Variants in CHFR observed in about 807,000 individuals in gnomAD.
CHFR encodes checkpoint with forkhead and ring finger domains.
CHFR carries 57 observed loss-of-function variants against 87.6 expected under a neutral mutation model. That is an observed-to-expected ratio of 0.65 (90% confidence interval 0.53 to 0.81). The LOEUF (loss-of-function observed/expected upper bound fraction) is 0.81, where lower values mean the gene tolerates loss of function less well. Among genes scored for constraint, CHFR ranks in the 30% least tolerant of loss-of-function variants. The pLI, the probability that CHFR is intolerant of heterozygous loss-of-function variation, is 0.00. For synonymous variants in CHFR, 381 were observed against 359.2 expected (o/e 1.06, Z -0.69); for missense variants, 797 against 865.8 (o/e 0.92, Z 1.00).
Position 132,837,550 on chromosome 12 carries a change from T to C in CHFR, c.*4004A>G, listed in dbSNP as rs747258534. 6.5e-6 allele frequency: 1 copy of C among 152,828 alleles called. No individual in the cohort carries two copies. The highest frequency in any genetic ancestry group is 2.4e-5 in the African/African-American group (1 of 41,466). 9.5% of individuals were successfully genotyped at this position (152,828 alleles called of 1,614,324 possible). On this transcript the variant is annotated 3_prime_UTR_variant, in exon 18 of 18. Coordinates refer to ENST00000450056, the MANE Select transcript of CHFR (RefSeq NM_001161346.2). ...GTGCGGTAAACTAACTAGAAAGTAGTGCGTCCTGAGCACTCATCACCTTTG... is the reference window on the plus strand; with the variant it reads ...GTGCGGTAAACTAACTAGAAAGTAGCGCGTCCTGAGCACTCATCACCTTTG...
intron 2 of CHFR, among the ~76,000 whole-genome samples, chr12:132,885,419 T>TATAAATAA (rs141735852): frequency 0.018 from 2,580 of 146,600 alleles, 60 homozygotes; most frequent in Middle Eastern, 0.018. Context: ...TCAAAAAATA[T>TATAAATAA]ATAAATAAAT....
intron 5 of CHFR, 93 bp from the exon 6 acceptor site, chr12:132,869,891 G>C: frequency 1.4e-6 from 2 of 1,415,622 alleles, no homozygotes; most frequent in Non-Finnish European, 1.9e-6. Context: ...AGACACTCTA[G>C]GGATTGAAAT....
rs940364683 is a variant in CHFR at position 132,887,171 on chromosome 12, C to T, written c.133+25G>A. The T allele has an allele frequency of 1.2e-5, 18 of 1,462,870 alleles. No homozygotes were observed. In the African/African-American group the frequency reaches 1.8e-4, roughly 14 times the overall value. 90.6% of individuals were successfully genotyped at this position (1,462,870 alleles called of 1,614,324 possible). On this transcript the variant is annotated intron_variant, in intron 2 of 17. Coordinates refer to ENST00000450056, the MANE Select transcript of CHFR (RefSeq NM_001161346.2). ...CCGGTGGCTCTGCCCGGCCCCGGCC[C>T]CCGGCCCCGGCCTCAGCCCCGCACC... is the stretch of plus-strand genomic sequence containing the variant.
At position 132,856,562 on chromosome 12, in the gene CHFR, G is replaced by A; in HGVS notation, c.1135C>T (p.Gln379Ter). The A allele has an allele frequency of 6.2e-7, 1 of 1,614,158 alleles. No homozygotes were observed. Among genetic ancestry groups the A allele is most frequent in the Non-Finnish European group, 8.5e-7 (1 of 1,179,964 alleles). ...ARNKITQDMLQPKVRRSFSDE... is the reference protein window; with the variant it reads ...ARNKITQDML ...GAAAAAGACCGCCTGACTTTGGGCT[G>A]CAGCATGTCTTGAGTGATTTTATTT... The change falls in exon 10 of 18, where the codon CAG becomes TAG. Residue 379 changes from glutamine (Q) to a stop codon, truncating the protein, a stop_gained. Transcript: ENST00000450056. LOFTEE classifies it high-confidence loss of function.
chr12:132,838,629 A>C lies in CHFR; in HGVS notation c.*2925T>G, dbSNP rs533407229. The C allele has an allele frequency of 2.6e-5, 4 of 152,532 alleles. No individual in the cohort carries two copies. The highest frequency in any genetic ancestry group is 3.9e-4 in the East Asian group (2 of 5,180). 9.4% of individuals were successfully genotyped at this position (152,532 alleles called of 1,614,324 possible). On this transcript the variant is annotated 3_prime_UTR_variant, in exon 18 of 18. Coordinates refer to ENST00000450056, the MANE Select transcript of CHFR (RefSeq NM_001161346.2). ...AAGGCTGGGCCAAGGAGCCAGGAAGAAGCAGTGGGATCTGCAGCAGCACCA... is the reference window on the plus strand; with the variant it reads ...AAGGCTGGGCCAAGGAGCCAGGAAGCAGCAGTGGGATCTGCAGCAGCACCA...
At chr12:132,848,980 T>A in intron 12 of CHFR, 1 of 462,624 alleles carries the variant, frequency 2.2e-6, no homozygotes. Flanking sequence ...GGAGTCTCGC[T>A]CTGTGGCCCA....
chr12:132,848,896 A>G (rs1343477562), intron 12 of CHFR, 172 bp from the exon 13 acceptor site: 1 of 571,000 alleles, frequency 1.8e-6, no homozygotes, highest in Non-Finnish European at 3.1e-6. Flanking sequence ...GTTGTGATGG[A>G]CTGTGATGGC....
chr12:132,833,394 G>C lies in CHFR; in HGVS notation c.*8160C>G, dbSNP rs1950628279. On this transcript the variant is annotated 3_prime_UTR_variant, in exon 18 of 18. Transcript: ENST00000450056. ...CTCTTACAGAAGGTATATTCTAGTGGGGACCAGACAACAAGCATAGAAGGT... is the reference window on the plus strand; with the variant it reads ...CTCTTACAGAAGGTATATTCTAGTGCGGACCAGACAACAAGCATAGAAGGT... 1 of 152,208 alleles carries C rather than the reference G, an allele frequency of 6.6e-6. No individual in the cohort carries two copies. Among genetic ancestry groups the C allele is most frequent in the Non-Finnish European group, 1.5e-5 (1 of 68,052 alleles). The allele number at this position is 152,208 out of a possible 1,614,324, so 9.4% of individuals were successfully genotyped here.
chr12:132,859,436 C>G (rs1352941305), intron 7 of CHFR, among the ~76,000 whole-genome samples: 1 of 152,034 alleles, frequency 6.6e-6, no homozygotes, highest in African/African-American at 2.4e-5. Context: ...CTGCAAGCTC[C>G]GCCTCCCGGG....
intron 11 of CHFR, among the ~76,000 whole-genome samples, chr12:132,852,023 G>A (rs1566180548): frequency 6.6e-6 from 1 of 151,586 alleles, no homozygotes; most frequent in Non-Finnish European, 1.5e-5. Context: ...TCACTCTGTC[G>A]CTCAGGCTGG....
chr12:132,847,508 C>CA, intron 14 of CHFR: 1 of 1,087,288 alleles, frequency 9.2e-7, no homozygotes. Context: ...GCCCTTCAAA[C>CA]ACACACGAGC....
rs868536362 is a variant in CHFR, at chr12:132,856,818, C to G, written c.1067-188G>C. The G allele has an allele frequency of 5.5e-6, 4 of 720,816 alleles. No homozygotes were observed. The Admixed American group carries it at 7.5e-5, about 13-fold the overall frequency. The allele number at this position is 720,816 out of a possible 1,614,324, so 44.7% of individuals were successfully genotyped here. On this transcript the variant is annotated intron_variant, in intron 9 of 17. Coordinates refer to ENST00000450056, the MANE Select transcript of CHFR (RefSeq NM_001161346.2). ...CCAGGTGCTGGTGTGGATGCCCTCA[C>G]GTGCCCGGGTGCTGGTGGAGGGACC...
chr12:132,847,231 C>T lies in CHFR; in HGVS notation c.1648-101G>A, dbSNP rs1003218278. ...TTCATAAAAGGCCCCTGAAAGTGTG[C>T]AAAGCCAAAGCTCAGACCCTTATAA... On this transcript the variant is annotated intron_variant, in intron 14 of 17. Transcript: ENST00000450056. 85 of 1,521,958 alleles carry T rather than the reference C, an allele frequency of 5.6e-5. 1 individual carries two copies. In the African/African-American group the frequency reaches 9.8e-4, roughly 18 times the overall value. The allele number at this position is 1,521,958 out of a possible 1,614,324, so 94.3% of individuals were successfully genotyped here.
At chr12:132,865,092 T>C (rs1200573814) in intron 6 of CHFR, among the ~76,000 whole-genome samples, 7 of 152,216 alleles carry the variant, frequency 4.6e-5, no homozygotes, top group African/African-American at 1.4e-4. Flanking sequence ...TCCAAAATAC[T>C]AGTAACCCCG....
chr12:132,853,647 G>A (rs1054935485), intron 10 of CHFR, 74 bp from the exon 11 acceptor site: 35 of 1,445,892 alleles, frequency 2.4e-5, no homozygotes, highest in Middle Eastern at 1.9e-4. Flanking sequence ...ACGCGGGTCC[G>A]CAGCCATCAC....
At chr12:132,873,939 C>T (rs1450548366) in intron 3 of CHFR, among the ~76,000 whole-genome samples, 3 of 152,228 alleles carry the variant, frequency 2.0e-5, no homozygotes, top group Non-Finnish European at 4.4e-5. Flanking sequence ...TTGCCGCTCA[C>T]CACACGCTCC....
At position 132,853,502 on chromosome 12, in the gene CHFR, G is replaced by T; in HGVS notation, c.1301C>A (p.Ala434Glu). 1 of 1,535,330 alleles carries T rather than the reference G, an allele frequency of 6.5e-7. No homozygotes were observed. Residue 434 changes from alanine to glutamate, a missense_variant, in exon 11 of 18, where the codon GCA becomes GAA. By Grantham distance (107) the Ala-to-Glu change is moderately radical. Around this residue, in one of 2 missense-constraint regions of CHFR, gnomAD observed 597 missense variants for 601.2 expected, o/e 0.99. Coordinates refer to ENST00000450056, the MANE Select transcript of CHFR (RefSeq NM_001161346.2). Reference protein sequence around the residue: ...RQAAQPPHCPAPEGEPGAPQA... With the variant: ...RQAAQPPHCPEPEGEPGAPQA... ...TGGGGCTCCTGGCTCGCCCTCGGGT[G>T]CTGGGCAGTGGGGAGGCTGCGCCGC...
intron 6 of CHFR, among the ~76,000 whole-genome samples, chr12:132,868,540 C>T (rs1389444431): frequency 6.6e-6 from 1 of 151,582 alleles, no homozygotes; most frequent in Admixed American, 6.6e-5. Flanking sequence ...ATTAGCTGGG[C>T]GTGGTTGCAG....
chr12:132,872,042 T>G, intron 4 of CHFR: 1 of 451,110 alleles, frequency 2.2e-6, no homozygotes, highest in East Asian at 3.4e-5. Flanking sequence ...TTGGCTGCCA[T>G]TTTGGGATTG....
Sources: gnomAD v4.1 joint callset for allele counts (sites outside exome capture counted in the v4.1 genomes callset) on GRCh38, gnomAD v4.1.1 for gene constraint, gnomAD v4.1.1 regional missense constraint, MANE v1.5 for transcripts, NCBI Gene and HGNC (gene_info 2026-07-23, HGNC 2026-07-21) for gene names.